REEP3: variants seen among roughly 807,000 people sequenced by gnomAD.
REEP3 encodes the protein receptor accessory protein 3.
In REEP3, 20 loss-of-function variants were observed where a neutral mutation model predicts 41.3. That is an observed-to-expected ratio of 0.48 (90% CI 0.34 to 0.70). The LOEUF is 0.70. Ranked by LOEUF, REEP3 falls within the 30% of genes least tolerant of loss-of-function variation. The pLI is 0.01. For synonymous variants in REEP3, 104 were observed against 101.8 expected (o/e 1.02, Z -0.13); for missense variants, 271 against 308.8 (o/e 0.88, Z 0.92).
intron 1 of REEP3, among the ~76,000 whole-genome samples, chr10:63,560,541 C>A (rs539392285): frequency 1.3e-5 from 2 of 152,286 alleles, no homozygotes; most frequent in African/African-American, 4.8e-5. Context: ...GCAGATTTTT[C>A]AACATAGCCA....
intron 6 of REEP3, among the ~76,000 whole-genome samples, chr10:63,612,880 G>C (rs1956286813): frequency 6.6e-6 from 1 of 152,126 alleles, no homozygotes; most frequent in South Asian, 2.1e-4. Flanking sequence ...TCTTAGACCA[G>C]AGTCCTTTAT....
At position 63,624,816 on chromosome 10, in the gene REEP3, C is replaced by T. The variant is rs1956384389; in HGVS notation, c.*3947C>T. 6.6e-6 allele frequency: 1 copy of T among 152,074 alleles called. No homozygotes were observed. The highest frequency in any genetic ancestry group is 1.5e-5 in the Non-Finnish European group (1 of 67,972). The allele number at this position is 152,074 out of a possible 1,614,324, so 9.4% of individuals were successfully genotyped here. A position where few individuals can be genotyped will look rare whatever the true frequency, so the allele number is the denominator to read the frequency against. ...GAAAAACAATGAGTACAGAAATCCTCACCATCAATTTGGATGGGTTAGCTG... is the reference window on the plus strand; with the variant it reads ...GAAAAACAATGAGTACAGAAATCCTTACCATCAATTTGGATGGGTTAGCTG... On this transcript the variant is annotated 3_prime_UTR_variant, in exon 8 of 8. Transcript: ENST00000373758.
intron 4 of REEP3, 138 bp from the exon 5 acceptor site, chr10:63,599,032 A>G (rs1220335475): frequency 1.8e-6 from 1 of 563,742 alleles, no homozygotes; most frequent in Non-Finnish European, 3.1e-6. Context: ...AAAAAAAAGA[A>G]AAGAAAAGAA....
At chr10:63,546,255 G>T (rs1044322638) in intron 1 of REEP3, among the ~76,000 whole-genome samples, 2 of 152,182 alleles carry the variant, frequency 1.3e-5, no homozygotes, top group African/African-American at 4.8e-5. Context: ...ATGGAAGCTT[G>T]GAAACGAGTT....
At chr10:63,541,115 CAT>C (rs928701191) in intron 1 of REEP3, among the ~76,000 whole-genome samples, 54 of 152,220 alleles carry the variant, frequency 3.5e-4, no homozygotes, top group African/African-American at 1.2e-3. Context: ...AGCCATAAAA[CAT>C]GTTACTTTTT....
At chr10:63,568,330 G>A (rs564074437) in intron 2 of REEP3, among the ~76,000 whole-genome samples, 14 of 150,644 alleles carry the variant, frequency 9.3e-5, no homozygotes, top group African/African-American at 2.9e-4. Flanking sequence ...GCACTGGCGC[G>A]ATCTTGGCTC....
intron 5 of REEP3, among the ~76,000 whole-genome samples, chr10:63,600,222 T>C (rs1956159971): frequency 6.6e-6 from 1 of 152,176 alleles, no homozygotes; most frequent in Admixed American, 6.5e-5. Flanking sequence ...TTTATATAAC[T>C]AATAGTGAAG....
chr10:63,593,175 C>T (rs1462987878), intron 2 of REEP3, among the ~76,000 whole-genome samples: 1 of 152,180 alleles, frequency 6.6e-6, no homozygotes, highest in East Asian at 1.9e-4. Context: ...ATTGAAAAAG[C>T]TATTTGAGTT....
chr10:63,618,373 G>A (rs373807655), intron 6 of REEP3, among the ~76,000 whole-genome samples: 2 of 150,470 alleles, frequency 1.3e-5, no homozygotes, highest in East Asian at 4.0e-4. Flanking sequence ...AGCTTCCCGA[G>A]TAGCTGGGAC....
chr10:63,540,500 T>A (rs1336369565), intron 1 of REEP3, among the ~76,000 whole-genome samples: 3 of 152,096 alleles, frequency 2.0e-5, no homozygotes, highest in Non-Finnish European at 4.4e-5. Context: ...GGTTAAAAAA[T>A]AATATGTAAT....
intron 5 of REEP3, among the ~76,000 whole-genome samples, chr10:63,603,179 G>A (rs747670239): frequency 6.6e-6 from 1 of 151,914 alleles, no homozygotes; most frequent in East Asian, 1.9e-4. Flanking sequence ...TGGGCGTGGT[G>A]GTGGGTGCCT....
At chr10:63,611,785 A>T (rs201876219) in intron 6 of REEP3, among the ~76,000 whole-genome samples, 6,236 of 146,162 alleles carry the variant, frequency 0.043, 193 homozygotes, top group African/African-American at 0.079. Flanking sequence ...GCAAAAAAAA[A>T]TTTTTTTTTT....
At chr10:63,552,401 A>T (rs1008113400) in intron 1 of REEP3, among the ~76,000 whole-genome samples, 1 of 151,952 alleles carries the variant, frequency 6.6e-6, no homozygotes, top group Non-Finnish European at 1.5e-5. Context: ...ACAGAGCAAG[A>T]CTCCGTCTCA....
chr10:63,556,124 T>C (rs1955676325), intron 1 of REEP3, among the ~76,000 whole-genome samples: 1 of 152,066 alleles, frequency 6.6e-6, no homozygotes, highest in African/African-American at 2.4e-5. Context: ...AAGATTCTGA[T>C]TTTATTTTAT....
intron 1 of REEP3, among the ~76,000 whole-genome samples, chr10:63,533,156 T>C (rs1208509575): frequency 1.3e-5 from 2 of 152,198 alleles, no homozygotes; most frequent in African/African-American, 4.8e-5. Flanking sequence ...GAACCCTAGT[T>C]GAAGATCTTA....
intron 1 of REEP3, chr10:63,562,929 T>C (rs1387763574): frequency 1.8e-5 from 8 of 456,406 alleles, no homozygotes; most frequent in Non-Finnish European, 3.5e-5. Context: ...AGTTAAGTTA[T>C]TTAAAGGTGT....
At chr10:63,580,019 A>G (rs1031755411) in intron 2 of REEP3, among the ~76,000 whole-genome samples, 1 of 152,246 alleles carries the variant, frequency 6.6e-6, no homozygotes, top group African/African-American at 2.4e-5. Context: ...ATAATCATTG[A>G]CTATAAGAGA....
intron 2 of REEP3, among the ~76,000 whole-genome samples, chr10:63,583,412 A>G (rs940141827): frequency 2.6e-5 from 4 of 152,212 alleles, no homozygotes; most frequent in African/African-American, 4.8e-5. Flanking sequence ...TGTCAAACCT[A>G]CTATAAAGCA....
In REEP3 at chr10:63,621,474, T is replaced by C. The variant is rs1956353126; in HGVS notation, c.*605T>C. 1 of 152,638 alleles carries C rather than the reference T, an allele frequency of 6.6e-6. No homozygotes were observed. 9.5% of individuals were successfully genotyped at this position (152,638 alleles called of 1,614,324 possible). A position where few individuals can be genotyped will look rare whatever the true frequency, so the allele number is the denominator to read the frequency against. ...TAGTTTTGCACACTTGAAAATTGTT[T>C]ACTTATTTTACAACTGTTTTACTGA... On this transcript the variant is annotated 3_prime_UTR_variant, in exon 8 of 8. Coordinates refer to ENST00000373758, the MANE Select transcript of REEP3 (RefSeq NM_001001330.3).
Sources: gnomAD v4.1 joint callset for allele counts (sites outside exome capture counted in the v4.1 genomes callset) on GRCh38, gnomAD v4.1.1 for gene constraint, MANE v1.5 for transcripts, NCBI Gene and HGNC (gene_info 2026-07-23, HGNC 2026-07-21) for gene names.